Variants in KCNIP2 observed in about 807,000 individuals in gnomAD.
KCNIP2 encodes the protein potassium voltage-gated channel interacting protein 2, also known as A-type potassium channel modulatory protein KCNIP2.
In KCNIP2, 19 loss-of-function variants were observed where a neutral mutation model predicts 39.0. The ratio of observed to expected loss-of-function variants is 0.49; its 90% CI spans 0.34 to 0.71. The LOEUF (loss-of-function observed/expected upper bound fraction) is 0.71, where lower values mean the gene tolerates loss of function less well. Among genes scored for constraint, KCNIP2 ranks in the 30% least tolerant of loss-of-function variants. The pLI is 0.01. For missense variants in KCNIP2, 261 were observed against 346.0 expected (o/e 0.75, Z 1.95); for synonymous variants, 111 against 131.2 (o/e 0.85, Z 1.05).
intron 2 of KCNIP2, 134 bp from the exon 3 acceptor site, chr10:101,830,031 C>T: frequency 1.0e-6 from 1 of 1,004,536 alleles, no homozygotes; most frequent in Non-Finnish European, 1.5e-6. Context: ...CAGACACACA[C>T]GAAACGGACC....
chr10:101,832,153 A>T (rs1225164680), intron 1 of KCNIP2, among the ~76,000 whole-genome samples: 1 of 152,192 alleles, frequency 6.6e-6, no homozygotes, highest in East Asian at 1.9e-4. Flanking sequence ...CTTTGTGGCA[A>T]TAAGAGATCT....
intron 1 of KCNIP2, chr10:101,834,140 T>C (rs1401429388): frequency 5.0e-6 from 2 of 396,058 alleles, no homozygotes; most frequent in Non-Finnish European, 8.9e-6. Flanking sequence ...ACCTCCCAGA[T>C]CCCTGTGCCA....
rs2065976424 is a variant in KCNIP2 at position 101,831,092 on chromosome 10, GCTT to G, written c.146_148del (p.Gln49_Ala50delinsPro). 1 of 1,613,656 alleles carries G rather than the reference GCTT, an allele frequency of 6.2e-7. No individual in the cohort carries two copies. The highest frequency in any genetic ancestry group is 8.5e-7 in the Non-Finnish European group (1 of 1,179,964). ...CTTGCTTTCACTGACTGAGGGCAGG[GCTT>G]GGGGCCCGCAGCACGGCAGCAGCTT... On this transcript the variant is annotated inframe_deletion, in exon 2 of 10. Coordinates refer to ENST00000356640, the MANE Select transcript of KCNIP2 (RefSeq NM_173191.3).
At chr10:101,841,034 C>A (rs1034350868) in intron 1 of KCNIP2, among the ~76,000 whole-genome samples, 3 of 152,242 alleles carry the variant, frequency 2.0e-5, no homozygotes, top group African/African-American at 7.2e-5. Flanking sequence ...CACTGCCCAG[C>A]GGCCCCGCCG....
In KCNIP2 at chr10:101,843,442, T is replaced by C; in HGVS notation, c.73+54A>G. The C allele has an allele frequency of 8.0e-7, 1 of 1,244,804 alleles. No individual in the cohort carries two copies. Among genetic ancestry groups the C allele is most frequent in the South Asian group, 1.5e-5 (1 of 66,034 alleles). 77.1% of individuals were successfully genotyped at this position (1,244,804 alleles called of 1,614,324 possible). On this transcript the variant is annotated intron_variant, in intron 1 of 9. Coordinates refer to ENST00000356640, the MANE Select transcript of KCNIP2 (RefSeq NM_173191.3). This position sits in a 1 kb window ranked among gnomAD's most constrained non-coding sequence, Gnocchi z 6.7. ...GGCCGGGGTCGGAGAGGCGGAAGGG[T>C]CTGGAGGAATGGAATCCACCCTCCC...
rs559630841 is a variant in KCNIP2 at position 101,839,808 on chromosome 10, C to T, written c.73+3688G>A. ...AGAGGGATCGCGCTGCCTGCCCCAG[C>T]GGGCTCCGGCACCTGCGGGGGCATC... On this transcript the variant is annotated intron_variant, in intron 1 of 9. Transcript: ENST00000356640. 1.2e-5 allele frequency: 20 copies of T among 1,610,310 alleles called. No homozygotes were observed. In the South Asian group the frequency reaches 1.5e-4, roughly 12 times the overall value.
chr10:101,831,658 ACAC>A (rs914654046), intron 1 of KCNIP2, among the ~76,000 whole-genome samples: 10 of 152,164 alleles, frequency 6.6e-5, no homozygotes, highest in African/African-American at 2.4e-4. Flanking sequence ...ACACACACAC[ACAC>A]AATGACCTGC....
In KCNIP2 at chr10:101,843,466, C is replaced by A. The variant is rs752524828; in HGVS notation, c.73+30G>T. Reference sequence around the variant, plus strand: ...GTCTGGAGGAATGGAATCCACCCTCCCTCCCGCGACCCCCACGTCACTGAC... The same window carrying A: ...GTCTGGAGGAATGGAATCCACCCTCACTCCCGCGACCCCCACGTCACTGAC... On this transcript the variant is annotated intron_variant, in intron 1 of 9. Transcript: ENST00000356640. The surrounding 1 kb of genome is among the most constrained non-coding windows in gnomAD (Gnocchi z 6.7). 2.0e-6 allele frequency: 3 copies of A among 1,464,792 alleles called. No individual in the cohort carries two copies. The African/African-American group carries it at 4.4e-5, about 21-fold the overall frequency. The allele number at this position is 1,464,792 out of a possible 1,614,324, so 90.7% of individuals were successfully genotyped here. A position where few individuals can be genotyped will look rare whatever the true frequency, so the allele number is the denominator to read the frequency against.
chr10:101,843,411 G>A lies in KCNIP2; in HGVS notation c.73+85C>T, dbSNP rs538824720. On this transcript the variant is annotated intron_variant, in intron 1 of 9. Coordinates refer to ENST00000356640, the MANE Select transcript of KCNIP2 (RefSeq NM_173191.3). The surrounding 1 kb of genome is among the most constrained non-coding windows in gnomAD (Gnocchi z 6.7). ...TGGGAATGGGGCAGAGTGTGGGTGC[G>A]GGCCAGGCCGGGGTCGGAGAGGCGG... The A allele has an allele frequency of 4.6e-6, 4 of 862,828 alleles. No individual in the cohort carries two copies. The highest frequency in any genetic ancestry group is 7.0e-5 in the Admixed American group (2 of 28,622). 53.4% of individuals were successfully genotyped at this position (862,828 alleles called of 1,614,324 possible). A position where few individuals can be genotyped will look rare whatever the true frequency, so the allele number is the denominator to read the frequency against.
intron 1 of KCNIP2, among the ~76,000 whole-genome samples, chr10:101,832,099 C>G (rs1270298187): frequency 6.6e-6 from 1 of 152,228 alleles, no homozygotes; most frequent in Non-Finnish European, 1.5e-5. Context: ...CCTTCACAGT[C>G]TCTTCCAGTA....
At chr10:101,839,911 C>A in intron 1 of KCNIP2, 1 of 1,450,190 alleles carries the variant, frequency 6.9e-7, no homozygotes, top group African/African-American at 1.5e-5. Context: ...CGCCCTCACC[C>A]GGGTAGGCCC....
chr10:101,827,986 A>G lies in KCNIP2; in HGVS notation c.605T>C (p.Leu202Pro). Residue 202 changes from leucine to proline, a missense_variant, in exon 8 of 10, where the codon CTT becomes CCT. Physicochemically the swap from Leu to Pro is moderately conservative, Grantham distance 98. Transcript: ENST00000356640. ...GTCATAGATGGACTTCATGATGTCA[A>G]GCATTTCCTGTTAGGCCAAGAGAGA... ...KDGCITKEEM[L>P]DIMKSIYDMM... 1 of 1,613,426 alleles carries G rather than the reference A, an allele frequency of 6.2e-7. No individual in the cohort carries two copies. Among genetic ancestry groups the G allele is most frequent in the South Asian group, 1.1e-5 (1 of 91,070 alleles).
chr10:101,839,047 G>A (rs565563164), intron 1 of KCNIP2, among the ~76,000 whole-genome samples: 2 of 152,262 alleles, frequency 1.3e-5, no homozygotes, highest in East Asian at 3.9e-4. Flanking sequence ...CCAACTTAGA[G>A]GCTCAGGAAC....
rs182018534 is a variant in KCNIP2 at position 101,843,085 on chromosome 10, T to C, written c.73+411A>G. 2.3e-4 allele frequency among the ~76,000 whole-genome samples: 35 copies of C among 152,238 alleles called. No homozygotes were observed. The highest frequency in any genetic ancestry group is 4.7e-4 in the Non-Finnish European group (32 of 68,018). On this transcript the variant is annotated intron_variant, in intron 1 of 9. Coordinates refer to ENST00000356640, the MANE Select transcript of KCNIP2 (RefSeq NM_173191.3). The surrounding 1 kb of genome is among the most constrained non-coding windows in gnomAD (Gnocchi z 6.7). ...CCAGGGTCCTACGCAAACTCAAACA[T>C]CTGACGAGACCATACAATTGCACTG...
chr10:101,834,300 G>C, intron 1 of KCNIP2: 1 of 399,272 alleles, frequency 2.5e-6, no homozygotes. Flanking sequence ...AGGCCAAACT[G>C]CTCCAGGACC....
At chr10:101,833,389 T>C (rs1026659975) in intron 1 of KCNIP2, among the ~76,000 whole-genome samples, 9 of 152,128 alleles carry the variant, frequency 5.9e-5, no homozygotes, top group African/African-American at 2.2e-4. Flanking sequence ...TGGATCCTGA[T>C]AGGAGCTTGG....
Position 101,828,304 on chromosome 10 carries a change from C to T in KCNIP2, c.490-46G>A, listed in dbSNP as rs1216401763. ...AGCTGTGTCCTCGGGTACTCTTCACCCAACTCCTTCTCTGGGTTTGGCCTG... is the reference window on the plus strand; with the variant it reads ...AGCTGTGTCCTCGGGTACTCTTCACTCAACTCCTTCTCTGGGTTTGGCCTG... On this transcript the variant is annotated intron_variant, in intron 6 of 9. Coordinates refer to ENST00000356640, the MANE Select transcript of KCNIP2 (RefSeq NM_173191.3). This position sits in a 1 kb window ranked among gnomAD's most constrained non-coding sequence, Gnocchi z 6.6. 1 of 1,610,552 alleles carries T rather than the reference C, an allele frequency of 6.2e-7. No individual in the cohort carries two copies. The highest frequency in any genetic ancestry group is 1.7e-5 in the Admixed American group (1 of 59,994).
At chr10:101,837,184 C>T (rs1408999804) in intron 1 of KCNIP2, among the ~76,000 whole-genome samples, 1 of 152,166 alleles carries the variant, frequency 6.6e-6, no homozygotes, top group Non-Finnish European at 1.5e-5. Context: ...TGTAGTATCT[C>T]ACTTAGTCCT....
At chr10:101,830,497 T>C in intron 2 of KCNIP2, 1 of 1,237,324 alleles carries the variant, frequency 8.1e-7, no homozygotes, top group Non-Finnish European at 1.0e-6. Flanking sequence ...GGCTCAGGCC[T>C]CAGCCTGGTC....
Sources: gnomAD v4.1 joint callset for allele counts (sites outside exome capture counted in the v4.1 genomes callset) on GRCh38, gnomAD v4.1.1 for gene constraint, Gnocchi (gnomAD v3.1) non-coding constraint, MANE v1.5 for transcripts, NCBI Gene and HGNC (gene_info 2026-07-23, HGNC 2026-07-21) for gene names.